SLC5A10: variants seen among roughly 807,000 people sequenced by gnomAD.
SLC5A10 encodes sodium/mannose cotransporter SLC5A10.
Under a neutral mutation model 68.9 loss-of-function variants are expected in SLC5A10, and 55 were observed. That is an observed-to-expected ratio of 0.80 (90% CI 0.64 to 1.00). SLC5A10 has a LOEUF of 1.00. SLC5A10 is among the 50% of genes least tolerant of loss of function. SLC5A10 has a pLI of 0.00. For missense variants in SLC5A10, 732 were observed against 819.3 expected (o/e 0.89, Z 1.30); for synonymous variants, 344 against 344.8 (o/e 1.00, Z 0.02).
At position 18,961,064 on chromosome 17, in the gene SLC5A10, A is replaced by G. The variant is rs118046691; in HGVS notation, c.453+412A>G. ...ACTGAGCTGACCTGCCTCTCACCCC[A>G]AGGCTGGTGGGCTCCATCACTGACA... is the stretch of plus-strand genomic sequence containing the variant. On this transcript the variant is annotated intron_variant, in intron 5 of 14. Coordinates refer to ENST00000395645, the MANE Select transcript of SLC5A10 (RefSeq NM_001042450.4). Among the ~76,000 whole-genome samples, 1,129 of 152,256 alleles carry G rather than the reference A, an allele frequency of 7.4e-3. 6 individuals carry two copies. The highest frequency in any genetic ancestry group is 0.012 in the Admixed American group (180 of 15,302).
chr17:18,977,865 C>T (rs746904439), intron 9 of SLC5A10: 57 of 1,610,914 alleles, frequency 3.5e-5, no homozygotes, highest in African/African-American at 2.3e-4. Flanking sequence ...GGGCCACGGC[C>T]GGAGCTGCCT....
In SLC5A10 at chr17:19,018,318, G is replaced by A. The variant is rs1271521825; in HGVS notation, c.1242-1105G>A. On this transcript the variant is annotated intron_variant, in intron 11 of 14. Coordinates refer to ENST00000395645, the MANE Select transcript of SLC5A10 (RefSeq NM_001042450.4). This position sits in a 1 kb window ranked among gnomAD's most constrained non-coding sequence, Gnocchi z 4.2. ...AGGGGTGAGGTGCTCAGCCAGGGAGGAGCGGATGGATGCCATGCCCCAGCT... is the reference window on the plus strand; with the variant it reads ...AGGGGTGAGGTGCTCAGCCAGGGAGAAGCGGATGGATGCCATGCCCCAGCT... The A allele has an allele frequency of 2.6e-5, 4 of 152,382 alleles. No individual in the cohort carries two copies. The highest frequency in any genetic ancestry group is 4.4e-5 in the Non-Finnish European group (3 of 68,164). The allele number at this position is 152,382 out of a possible 1,614,324, so 9.4% of individuals were successfully genotyped here.
Position 18,969,047 on chromosome 17 carries a change from C to T in SLC5A10, c.454-5C>T, listed in dbSNP as rs1266555692. The T allele has an allele frequency of 1.1e-5, 17 of 1,611,432 alleles. No individual in the cohort carries two copies. The highest frequency in any genetic ancestry group is 1.3e-5 in the African/African-American group (1 of 74,998). Reference sequence around the variant, plus strand: ...AGTCCCACACAAGGCTCTCTCCCTCCGCAGCTGGACCTGTACGCGGGGGCT... The same window carrying T: ...AGTCCCACACAAGGCTCTCTCCCTCTGCAGCTGGACCTGTACGCGGGGGCT... On this transcript the variant is annotated splice_region_variant and splice_polypyrimidine_tract_variant and intron_variant, in intron 5 of 14. Transcript: ENST00000395645.
chr17:18,962,294 A>G (rs1242387143), intron 5 of SLC5A10, among the ~76,000 whole-genome samples: 1 of 152,120 alleles, frequency 6.6e-6, no homozygotes, highest in Non-Finnish European at 1.5e-5. Context: ...TGATGGAGAC[A>G]GGGATACTGA....
At chr17:18,961,994 T>C (rs536998173) in intron 5 of SLC5A10, among the ~76,000 whole-genome samples, 66 of 152,330 alleles carry the variant, frequency 4.3e-4, no homozygotes, top group Non-Finnish European at 8.5e-4. Flanking sequence ...GGGAGCCCTT[T>C]AGAGTCCGGA....
chr17:19,020,174 G>A lies in SLC5A10; in HGVS notation c.1646G>A (p.Trp549Ter), dbSNP rs753854320. The A allele has an allele frequency of 6.2e-7, 1 of 1,607,222 alleles. No homozygotes were observed. The highest frequency in any genetic ancestry group is 8.5e-7 in the Non-Finnish European group (1 of 1,177,926). ...QSVQIENLTW[W>*]TLAQDVPLGT... ...TTACAGATTGAGAACCTTACCTGGT[G>A]GACCCTGGCTCAGGATGTGCCCTTG... Residue 549 changes from tryptophan (W) to a stop codon, truncating the protein, a stop_gained, in exon 14 of 15, where the codon TGG becomes TAG. Transcript: ENST00000395645. LOFTEE classifies it low-confidence loss of function (END_TRUNC).
intron 9 of SLC5A10, among the ~76,000 whole-genome samples, chr17:18,990,344 G>T (rs889977300): frequency 2.0e-5 from 3 of 152,168 alleles, no homozygotes; most frequent in Non-Finnish European, 2.9e-5. Context: ...AGGGGTGTGT[G>T]GTGGTAGCAG....
chr17:18,983,594 G>A (rs777780048), intron 9 of SLC5A10, among the ~76,000 whole-genome samples: 18 of 152,338 alleles, frequency 1.2e-4, no homozygotes, highest in Middle Eastern at 3.4e-3. Context: ...GGCCTAGTGT[G>A]AGGAATGCAA....
Position 19,022,000 on chromosome 17 carries a change from C to G in SLC5A10, c.*1569C>G. 1 of 1,590,236 alleles carries G rather than the reference C, an allele frequency of 6.3e-7. No homozygotes were observed. Among genetic ancestry groups the G allele is most frequent in the Non-Finnish European group, 8.6e-7 (1 of 1,169,296 alleles). On this transcript the variant is annotated 3_prime_UTR_variant, in exon 15 of 15. Transcript: ENST00000395645. This position sits in a 1 kb window ranked among gnomAD's most constrained non-coding sequence, Gnocchi z 4.1. ...TGCACGTAACTCCGTGGGAAGAAGC[C>G]AACGCGCCCGCAGGACCGGCCCCGC...
intron 2 of SLC5A10, 51 bp from the exon 3 acceptor site, chr17:18,959,084 G>T: frequency 6.4e-7 from 1 of 1,559,304 alleles, no homozygotes; most frequent in Non-Finnish European, 8.8e-7. Context: ...GCCCAGGATG[G>T]GGCCGGCGCA....
chr17:18,992,219 C>T (rs924577709), intron 9 of SLC5A10, among the ~76,000 whole-genome samples: 1 of 152,198 alleles, frequency 6.6e-6, no homozygotes, highest in Non-Finnish European at 1.5e-5. Context: ...CTTCTCCACC[C>T]TGCCTTCTGC....
chr17:18,970,014 C>T (rs530968800), intron 7 of SLC5A10: 1 of 152,452 alleles, frequency 6.6e-6, no homozygotes, highest in South Asian at 2.1e-4. Flanking sequence ...TCTCTAAAGA[C>T]TCTTCCAGAC....
At chr17:19,015,230 G>T in intron 11 of SLC5A10, 31 bp downstream of exon 11, 1 of 1,283,152 alleles carries the variant, frequency 7.8e-7, no homozygotes, top group East Asian at 2.4e-5. Context: ...ACGGGGGTGG[G>T]GGAACACTAC....
At position 18,968,567 on chromosome 17, in the gene SLC5A10, C is replaced by T. The variant is rs530472496; in HGVS notation, c.454-485C>T. On this transcript the variant is annotated intron_variant, in intron 5 of 14. Transcript: ENST00000395645. This position sits in a 1 kb window ranked among gnomAD's most constrained non-coding sequence, Gnocchi z 4.1. ...ACTATTGGCTTCAGTTCCAAACCCA[C>T]TGGGGGGTGGGGGCAGGAAGCAAGG... is the stretch of plus-strand genomic sequence containing the variant. Among the ~76,000 whole-genome samples the T allele has an allele frequency of 2.2e-4, 33 of 152,328 alleles. No homozygotes were observed. Among genetic ancestry groups the T allele is most frequent in the African/African-American group, 6.0e-4 (25 of 41,570 alleles).
chr17:19,014,975 A>G, intron 10 of SLC5A10, 74 bp from the exon 11 acceptor site: 1 of 1,541,696 alleles, frequency 6.5e-7, no homozygotes, highest in Admixed American at 1.8e-5. Flanking sequence ...CTCAGGCATT[A>G]GAGCCCAGGC....
chr17:18,958,623 T>C, intron 1 of SLC5A10, 59 bp from the exon 2 acceptor site: 1 of 1,530,398 alleles, frequency 6.5e-7, no homozygotes, highest in Non-Finnish European at 9.0e-7. Context: ...CGTTTCCCAT[T>C]CGACTTCCCA....
rs961218171 is a variant in SLC5A10, at chr17:18,971,798, G to A, written c.846+580G>A. 43 of 1,517,060 alleles carry A rather than the reference G, an allele frequency of 2.8e-5. No homozygotes were observed. The highest frequency in any genetic ancestry group is 1.9e-4 in the Middle Eastern group (1 of 5,318). 94.0% of individuals were successfully genotyped at this position (1,517,060 alleles called of 1,614,324 possible). A position where few individuals can be genotyped will look rare whatever the true frequency, so the allele number is the denominator to read the frequency against. ...AGGCTGAGCAAGAAGGGCCAACCCC[G>A]CCCCAGCACAGGACCCTGCTCAGGC... On this transcript the variant is annotated intron_variant, in intron 8 of 14. Coordinates refer to ENST00000395645, the MANE Select transcript of SLC5A10 (RefSeq NM_001042450.4). The surrounding 1 kb of genome is among the most constrained non-coding windows in gnomAD (Gnocchi z 5.5).
intron 9 of SLC5A10, among the ~76,000 whole-genome samples, chr17:18,991,555 C>T (rs2043425346): frequency 6.6e-6 from 1 of 152,152 alleles, no homozygotes; most frequent in Non-Finnish European, 1.5e-5. Flanking sequence ...GCTGTTATGT[C>T]AGGGGCCACA....
Position 18,969,434 on chromosome 17 carries a change from G to A in SLC5A10, c.640+12G>A, listed in dbSNP as rs200950903. 3.1e-6 allele frequency: 5 copies of A among 1,612,638 alleles called. No individual in the cohort carries two copies. The highest frequency in any genetic ancestry group is 1.7e-5 in the Admixed American group (1 of 59,996). ...CCTGACAATCAAAGGTGAGGACAGA[G>A]TCTGTGGCCATGGCGGGGCTGTCCC... On this transcript the variant is annotated intron_variant, in intron 7 of 14. Transcript: ENST00000395645.
Sources: allele counts gnomAD v4.1 joint callset (sites outside exome capture counted in the v4.1 genomes callset), GRCh38; gene constraint gnomAD v4.1.1; non-coding constraint Gnocchi (gnomAD v3.1); transcripts MANE v1.5; gene names NCBI Gene and HGNC (gene_info 2026-07-23, HGNC 2026-07-21).